ERICH3: variants seen among roughly 807,000 people sequenced by gnomAD.
The protein encoded by ERICH3 is glutamate-rich protein 3.
In ERICH3, 126 loss-of-function variants were observed where a neutral mutation model predicts 131.1. The ratio of observed to expected loss-of-function variants is 0.96; its 90% CI spans 0.83 to 1.11. The LOEUF is 1.11. ERICH3 is among the 50% of genes most tolerant of loss of function. The probability of loss-of-function intolerance (pLI) is 0.00; values close to 1 mark genes in which losing one functional copy is unlikely to be tolerated. For synonymous variants in ERICH3, 695 were observed against 644.6 expected (o/e 1.08, Z -1.18); for missense variants, 2,050 against 1,810.7 (o/e 1.13, Z -2.40).
At chr1:74,621,975 G>A (rs1356731495) in intron 7 of ERICH3, 1 of 152,134 alleles carries the variant, frequency 6.6e-6, no homozygotes, top group Non-Finnish European at 1.5e-5. Context: ...CAAAAAATGT[G>A]CAGAGACCAA....
chr1:74,665,891 G>T (rs1048116558), intron 1 of ERICH3, among the ~76,000 whole-genome samples: 1 of 152,130 alleles, frequency 6.6e-6, no homozygotes, highest in Non-Finnish European at 1.5e-5. Flanking sequence ...GCACAATTAA[G>T]TCCATGACAC....
At chr1:74,638,060 A>G (rs554678469) in intron 5 of ERICH3, among the ~76,000 whole-genome samples, 1 of 152,296 alleles carries the variant, frequency 6.6e-6, no homozygotes, top group East Asian at 1.9e-4. Flanking sequence ...TATATAAGTG[A>G]CTAATGAAAA....
At position 74,571,956 on chromosome 1, in the gene ERICH3, C is replaced by G. The variant is rs151238210; in HGVS notation, c.3754G>C (p.Ala1252Pro). ...CCTTCAGCTCTCCCCTCCAGTCCTG[C>G]GCAGGAGTCGTGATCTTTGGCTGCT... ...ELAAKDHDSC[A>P]GLEGRAEGQG... The change falls in exon 14 of 15, where the codon GCA (alanine) becomes CCA (proline). Residue 1252 changes from alanine to proline, a missense_variant. Transcript: ENST00000326665. 7 of 1,613,642 alleles carry G rather than the reference C, an allele frequency of 4.3e-6. No homozygotes were observed. In the African/African-American group the frequency reaches 9.3e-5, roughly 22 times the overall value.
chr1:74,648,507 A>G (rs1356268804), intron 2 of ERICH3, among the ~76,000 whole-genome samples: 1 of 152,156 alleles, frequency 6.6e-6, no homozygotes, highest in Non-Finnish European at 1.5e-5. Context: ...GCTCTCTGAG[A>G]TCTGTCAGCT....
intron 1 of ERICH3, among the ~76,000 whole-genome samples, chr1:74,658,774 AC>A (rs1557703450): frequency 6.6e-6 from 1 of 152,102 alleles, no homozygotes; most frequent in African/African-American, 2.4e-5. Flanking sequence ...CCTCTGAAAT[AC>A]CCAGTTTTAA....
At position 74,573,363 on chromosome 1, in the gene ERICH3, G is replaced by A. The variant is rs1454539813; in HGVS notation, c.2347C>T (p.His783Tyr). ...EAMEEDEAPQ[H>Y]RDADIVQGKG... ...CCCTGTACTATGTCAGCATCTCTGT[G>A]CTGGGGCGCTTCATCTTCCTCCATT... Residue 783 changes from histidine (H) to tyrosine (Y), a missense_variant, in exon 14 of 15, where the codon CAC becomes TAC. Coordinates refer to ENST00000326665, the MANE Select transcript of ERICH3 (RefSeq NM_001002912.5). 6.2e-7 allele frequency: 1 copy of A among 1,610,586 alleles called. No individual in the cohort carries two copies. Among genetic ancestry groups the A allele is most frequent in the East Asian group, 2.2e-5 (1 of 44,726 alleles).
At chr1:74,651,887 G>C (rs142436568) in intron 1 of ERICH3, among the ~76,000 whole-genome samples, 1 of 152,202 alleles carries the variant, frequency 6.6e-6, no homozygotes, top group East Asian at 1.9e-4. Flanking sequence ...TGCTTAGCCA[G>C]CTTTGGTAGC....
chr1:74,575,382 A>T (rs1398162528), intron 13 of ERICH3, among the ~76,000 whole-genome samples: 1 of 152,250 alleles, frequency 6.6e-6, no homozygotes, highest in African/African-American at 2.4e-5. Flanking sequence ...GGTTGACTTT[A>T]CAGGTCATCC....
intron 5 of ERICH3, among the ~76,000 whole-genome samples, chr1:74,637,899 G>A (rs752478273): frequency 3.3e-5 from 5 of 150,662 alleles, no homozygotes; most frequent in Admixed American, 1.3e-4. Flanking sequence ...CCACAGAGTG[G>A]GATGCTGTCT....
At chr1:74,577,139 C>T (rs971928522) in intron 12 of ERICH3, 5 of 476,210 alleles carry the variant, frequency 1.0e-5, no homozygotes, top group African/African-American at 7.9e-5. Context: ...TAATCCTAGA[C>T]ATCAATATAT....
intron 8 of ERICH3, among the ~76,000 whole-genome samples, chr1:74,615,980 T>G (rs1386924292): frequency 3.3e-5 from 5 of 151,942 alleles, no homozygotes; most frequent in African/African-American, 4.8e-5. Context: ...GTAGTTTGGG[T>G]TTTTTTATTT....
Position 74,572,271 on chromosome 1 carries a change from C to A in ERICH3, c.3439G>T (p.Asp1147Tyr). The change falls in exon 14 of 15, where the codon GAT becomes TAT. Residue 1147 changes from aspartate to tyrosine, a missense_variant. By Grantham distance (160) the Asp-to-Tyr change is radical. Transcript: ENST00000326665. ...GGAACCACTGTCTCTTTTAGTGAAT[C>A]TTCTCCTAGAAGCCCTGGATTGTCA... ...LSDNPGLLGE[D>Y]SLKETVVPIF... is the part of the protein sequence containing the mutation. 1 of 1,614,082 alleles carries A rather than the reference C, an allele frequency of 6.2e-7. No individual in the cohort carries two copies.
intron 10 of ERICH3, among the ~76,000 whole-genome samples, chr1:74,605,756 T>C (rs1227964903): frequency 1.3e-5 from 2 of 151,712 alleles, no homozygotes; most frequent in African/African-American, 4.8e-5. Context: ...CACAGATCAC[T>C]GATCACAGAT....
intron 12 of ERICH3, among the ~76,000 whole-genome samples, chr1:74,581,399 G>T (rs932429315): frequency 6.6e-6 from 1 of 151,958 alleles, no homozygotes; most frequent in Non-Finnish European, 1.5e-5. Context: ...GTGTGAGTGG[G>T]GTGGTTCTTT....
At chr1:74,639,539 A>T (rs1646419614) in intron 5 of ERICH3, among the ~76,000 whole-genome samples, 1 of 152,202 alleles carries the variant, frequency 6.6e-6, no homozygotes, top group Admixed American at 6.5e-5. Context: ...ATGGCATTGT[A>T]GCTTAACATT....
At chr1:74,650,936 A>G (rs1646528511) in intron 1 of ERICH3, among the ~76,000 whole-genome samples, 2 of 152,006 alleles carry the variant, frequency 1.3e-5, no homozygotes, top group Non-Finnish European at 1.5e-5. Flanking sequence ...AGACAGAGAT[A>G]GACAGAGGCA....
intron 7 of ERICH3, chr1:74,625,081 T>C (rs1183928399): frequency 6.6e-6 from 1 of 152,082 alleles, no homozygotes; most frequent in African/African-American, 2.4e-5. Flanking sequence ...ATGCCCAGAT[T>C]GGTAAACATT....
At chr1:74,597,538 T>C (rs1647912191) in intron 11 of ERICH3, among the ~76,000 whole-genome samples, 1 of 152,038 alleles carries the variant, frequency 6.6e-6, no homozygotes, top group Non-Finnish European at 1.5e-5. Flanking sequence ...TAAAATATTA[T>C]ATATTATGTA....
chr1:74,673,054 T>C (rs988654943), intron 1 of ERICH3, among the ~76,000 whole-genome samples: 6 of 152,178 alleles, frequency 3.9e-5, no homozygotes, highest in Admixed American at 2.6e-4. Context: ...CTTTCAATAC[T>C]GAATGAACTC....
Sources: allele counts gnomAD v4.1 joint callset (sites outside exome capture counted in the v4.1 genomes callset), GRCh38; gene constraint gnomAD v4.1.1; transcripts MANE v1.5; gene names NCBI Gene and HGNC (gene_info 2026-07-23, HGNC 2026-07-21).